TREML4: variants seen among roughly 807,000 people sequenced by gnomAD.
The protein encoded by TREML4 is trem-like transcript 4 protein.
In TREML4, 25 loss-of-function variants were observed where a neutral mutation model predicts 25.4. That is an observed-to-expected ratio of 0.98 (90% confidence interval 0.72 to 1.37). The LOEUF (loss-of-function observed/expected upper bound fraction) is 1.37, where lower values mean the gene tolerates loss of function less well. Among genes scored for constraint, TREML4 ranks in the 40% most tolerant of loss-of-function variants. The pLI is 0.00. For synonymous variants in TREML4, 92 were observed against 87.9 expected (o/e 1.05, Z -0.26); for missense variants, 268 against 236.5 (o/e 1.13, Z -0.87).
At chr6:41,232,403 C>T (rs938527283) in intron 4 of TREML4, 6 of 412,250 alleles carry the variant, frequency 1.5e-5, no homozygotes, top group Non-Finnish European at 3.0e-5. Flanking sequence ...AGAGAAAATA[C>T]ATTCATGGTC....
intron 5 of TREML4, 25 bp downstream of exon 5, chr6:41,236,642 G>T: frequency 1.5e-6 from 2 of 1,360,064 alleles, no homozygotes; most frequent in South Asian, 1.2e-5. Flanking sequence ...ATTTCACCTG[G>T]GGGCAATGGA....
At chr6:41,233,947 GTT>G (rs752066458) in intron 4 of TREML4, among the ~76,000 whole-genome samples, 3 of 151,406 alleles carry the variant, frequency 2.0e-5, no homozygotes, top group Non-Finnish European at 3.0e-5. Flanking sequence ...TATTATGTAT[GTT>G]TTATAAAATA....
chr6:41,228,662 G>T (rs548303797), intron 1 of TREML4, 52 bp from the exon 2 acceptor site: 13 of 1,563,458 alleles, frequency 8.3e-6, no homozygotes, highest in Non-Finnish European at 1.1e-5. Flanking sequence ...GGGGAGGTTG[G>T]GTCCCTTCAG....
In TREML4 at chr6:41,229,064, A is replaced by T. The variant is rs113378816; in HGVS notation, c.394+20A>T. On this transcript the variant is annotated intron_variant, in intron 2 of 5. Transcript: ENST00000341495. ...CTCCAGGTGAGCTCTTTTCTTGAGG[A>T]AATACCTCTGTGCCACCCCCCAGGG... 2.9e-4 allele frequency: 457 copies of T among 1,595,566 alleles called. No individual in the cohort carries two copies. The African/African-American group carries it at 4.7e-3, about 16-fold the overall frequency.
chr6:41,231,533 C>T (rs1374124886), intron 4 of TREML4, among the ~76,000 whole-genome samples: 1 of 152,120 alleles, frequency 6.6e-6, no homozygotes, highest in Non-Finnish European at 1.5e-5. Flanking sequence ...CCCAGGAACT[C>T]TAGGTACCTA....
At chr6:41,232,507 A>G (rs7746632) in intron 4 of TREML4, 68,875 of 199,196 alleles carry the variant, frequency 0.35, 12,291 homozygotes, top group East Asian at 0.39. Flanking sequence ...ACTTGGAGGT[A>G]GGGGATGGTT....
In TREML4 at chr6:41,236,473, T is replaced by C. The variant is rs757236392; in HGVS notation, c.507-13T>C. ...GGCCCAAGTCCATCCTCCTTTCTCC[T>C]TCTTCCCTGCAGGAAATCAAGAGCC... On this transcript the variant is annotated splice_polypyrimidine_tract_variant and intron_variant, in intron 4 of 5. Transcript: ENST00000341495. The C allele has an allele frequency of 3.1e-6, 5 of 1,613,240 alleles. No individual in the cohort carries two copies. Among genetic ancestry groups the C allele is most frequent in the Non-Finnish European group, 4.2e-6 (5 of 1,179,248 alleles).
rs1031585155 is a variant in TREML4, at chr6:41,237,221, G to A, written c.*202G>A. On this transcript the variant is annotated 3_prime_UTR_variant, in exon 6 of 6. Coordinates refer to ENST00000341495, the MANE Select transcript of TREML4 (RefSeq NM_198153.3). ...CACCTCCTTGTGAGGAAAGGCTAGC[G>A]CTAAGCCTATTGGAGAGAACTTTCA... 7.8e-5 allele frequency: 12 copies of A among 153,148 alleles called. No homozygotes were observed. The highest frequency in any genetic ancestry group is 1.5e-4 in the Non-Finnish European group (10 of 68,556). The allele number at this position is 153,148 out of a possible 1,614,324, so 9.5% of individuals were successfully genotyped here. A position where few individuals can be genotyped will look rare whatever the true frequency, so the allele number is the denominator to read the frequency against.
In TREML4 at chr6:41,228,373, A is replaced by G; in HGVS notation, c.-55A>G. The G allele has an allele frequency of 1.4e-6, 2 of 1,388,376 alleles. No individual in the cohort carries two copies. The highest frequency in any genetic ancestry group is 9.9e-7 in the Non-Finnish European group (1 of 1,013,490). The allele number at this position is 1,388,376 out of a possible 1,614,324, so 86.0% of individuals were successfully genotyped here. A position where few individuals can be genotyped will look rare whatever the true frequency, so the allele number is the denominator to read the frequency against. ...CAGACCCAGCGTCTGACTCCTCCTG[A>G]GAGGGCTCCCTTTTTTCTCCTCTCC... is the stretch of plus-strand genomic sequence containing the variant. On this transcript the variant is annotated 5_prime_UTR_variant, in exon 1 of 6. Coordinates refer to ENST00000341495, the MANE Select transcript of TREML4 (RefSeq NM_198153.3).
At chr6:41,236,271 T>C (rs1766897163) in intron 4 of TREML4, among the ~76,000 whole-genome samples, 1 of 152,158 alleles carries the variant, frequency 6.6e-6, no homozygotes, top group Admixed American at 6.5e-5. Context: ...GGCCAGCTTT[T>C]TCCTCCGTTC....
chr6:41,228,612 A>C (rs1766723538), intron 1 of TREML4, 102 bp from the exon 2 acceptor site: 2 of 1,485,778 alleles, frequency 1.3e-6, no homozygotes, highest in Non-Finnish European at 1.8e-6. Flanking sequence ...ATGTGTGGGC[A>C]TCAGAACTAG....
Position 41,238,327 on chromosome 6 carries a change from C to A in TREML4, c.*1308C>A, listed in dbSNP as rs11753659. 0.37 allele frequency: 55,928 copies of A among 152,008 alleles called. 11,754 individuals carry two copies. Among genetic ancestry groups the A allele is most frequent in the Admixed American group, 0.47 (7,182 of 15,262 alleles). The allele number at this position is 152,008 out of a possible 1,614,324, so 9.4% of individuals were successfully genotyped here. On this transcript the variant is annotated 3_prime_UTR_variant, in exon 6 of 6. Transcript: ENST00000341495. ...TTTGAATGTATTCTTGTAAAACATCCAGTATTTTTTTTTCTGTGACTATGT... is the reference window on the plus strand; with the variant it reads ...TTTGAATGTATTCTTGTAAAACATCAAGTATTTTTTTTTCTGTGACTATGT...
chr6:41,230,002 C>A, intron 3 of TREML4, 60 bp from the exon 4 acceptor site: 2 of 1,437,812 alleles, frequency 1.4e-6, no homozygotes, highest in Non-Finnish European at 2.0e-6. Flanking sequence ...TTTTGGGACC[C>A]AATCCCATTC....
At chr6:41,231,480 A>G (rs948547915) in intron 4 of TREML4, among the ~76,000 whole-genome samples, 1 of 152,196 alleles carries the variant, frequency 6.6e-6, no homozygotes, top group Non-Finnish European at 1.5e-5. Context: ...AACACACCCA[A>G]CAATAGAAAC....
chr6:41,236,591 A>G lies in TREML4; in HGVS notation c.*9A>G. ...AGGGCCTGATGTTGTGAGTCCTGTT[A>G]GTGCTCCTGATCTGCAGGTGCCACA... On this transcript the variant is annotated 3_prime_UTR_variant, in exon 5 of 6. Coordinates refer to ENST00000341495, the MANE Select transcript of TREML4 (RefSeq NM_198153.3). 4 of 1,610,492 alleles carry G rather than the reference A, an allele frequency of 2.5e-6. No homozygotes were observed. Among genetic ancestry groups the G allele is most frequent in the Non-Finnish European group, 3.4e-6 (4 of 1,177,104 alleles).
At chr6:41,231,004 AGG>A (rs1193547702) in intron 4 of TREML4, 1 of 276,302 alleles carries the variant, frequency 3.6e-6, no homozygotes, top group East Asian at 8.7e-5. Flanking sequence ...TGTGCATGCG[AGG>A]GTTCTAGGTT....
intron 4 of TREML4, among the ~76,000 whole-genome samples, chr6:41,235,482 C>G (rs1333763808): frequency 1.3e-5 from 2 of 152,066 alleles, no homozygotes; most frequent in East Asian, 3.9e-4. Context: ...AGCAAGGCTG[C>G]CAGATACAAA....
intron 4 of TREML4, among the ~76,000 whole-genome samples, chr6:41,233,188 G>A (rs1035970055): frequency 2.0e-5 from 3 of 152,168 alleles, no homozygotes; most frequent in Non-Finnish European, 4.4e-5. Context: ...AGTCGGAATC[G>A]AATTTTTAAA....
chr6:41,228,987 A>G lies in TREML4; in HGVS notation c.337A>G (p.Asn113Asp). ...DSGFYWCGIY[N>D]ASENIITVLR... ...GGGATTCTACTGGTGTGGAATCTAC[A>G]ACGCTTCCGAAAACATCATCACTGT... Residue 113 changes from asparagine to aspartate, a missense_variant, in exon 2 of 6, where the codon AAC becomes GAC. Asn to Asp is a conservative substitution (Grantham distance 23). Transcript: ENST00000341495. 6.2e-7 allele frequency: 1 copy of G among 1,614,136 alleles called. No homozygotes were observed. The highest frequency in any genetic ancestry group is 1.3e-5 in the African/African-American group (1 of 75,020).
Sources: allele counts gnomAD v4.1 joint callset (sites outside exome capture counted in the v4.1 genomes callset), GRCh38; gene constraint gnomAD v4.1.1; transcripts MANE v1.5; gene names NCBI Gene and HGNC (gene_info 2026-07-23, HGNC 2026-07-21).